Variants in RTCB observed in about 807,000 individuals in gnomAD.
RTCB encodes the protein RNA-splicing ligase RTCB.
In RTCB, 32 loss-of-function variants were observed where a neutral mutation model predicts 58.2. That is an observed-to-expected ratio of 0.55 (90% confidence interval 0.41 to 0.74). The LOEUF (loss-of-function observed/expected upper bound fraction) is 0.74, where lower values mean the gene tolerates loss of function less well. Ranked by LOEUF, RTCB falls within the 30% of genes least tolerant of loss-of-function variation. RTCB has a pLI of 0.00. For missense variants in RTCB, 523 were observed against 639.0 expected (o/e 0.82, Z 1.96); for synonymous variants, 247 against 218.6 (o/e 1.13, Z -1.15).
intron 11 of RTCB, among the ~76,000 whole-genome samples, chr22:32,388,528 T>C (rs1387673325): frequency 6.6e-6 from 1 of 152,220 alleles, no homozygotes; most frequent in East Asian, 1.9e-4. Context: ...AATGAACATG[T>C]AGTACCTTCA....
intron 10 of RTCB, among the ~76,000 whole-genome samples, chr22:32,393,116 G>A (rs1461462144): frequency 6.6e-6 from 1 of 152,112 alleles, no homozygotes; most frequent in African/African-American, 2.4e-5. Context: ...AAAAGTTTTT[G>A]TGGAGACGGT....
In RTCB at chr22:32,399,743, A is replaced by G. The variant is rs774237371; in HGVS notation, c.514T>C (p.Leu172=). ...PMNAKDLEEA[L]EMGVDWSLRE... is the part of the protein sequence containing the mutation. The stretch of plus-strand genomic sequence containing the variant: ...AAGGACCAGTCCACCCCCATCTCCA[A>G]GGCCTCCTCCAAGTCTCTGGATAAG... The change falls in exon 6 of 12, where the codon TTG becomes CTG. Residue 172 remains leucine (L), a synonymous_variant. Transcript: ENST00000216038. 6.2e-7 allele frequency: 1 copy of G among 1,613,574 alleles called. No individual in the cohort carries two copies. The highest frequency in any genetic ancestry group is 1.1e-5 in the South Asian group (1 of 91,000).
chr22:32,399,829 C>T (rs1933306226), intron 5 of RTCB, 70 bp from the exon 6 acceptor site: 2 of 1,406,290 alleles, frequency 1.4e-6, no homozygotes, highest in Admixed American at 4.2e-5. Context: ...TGACCACATC[C>T]TTAAAGGGCA....
rs369864782 is a variant in RTCB at position 32,401,493 on chromosome 22, G to A, written c.497+254C>T. 4.0e-4 allele frequency: 152 copies of A among 380,478 alleles called. 3 individuals are homozygous for A. In the South Asian group the frequency reaches 9.2e-3, roughly 23 times the overall value. 23.6% of individuals were successfully genotyped at this position (380,478 alleles called of 1,614,324 possible). On this transcript the variant is annotated intron_variant, in intron 5 of 11. Coordinates refer to ENST00000216038, the MANE Select transcript of RTCB (RefSeq NM_014306.5). ...TATGATGCTCAGCACCTTACACATA[G>A]AAAGTGCTCAATAAACGTTGGTGGA... is the stretch of plus-strand genomic sequence containing the variant.
At chr22:32,408,077 G>C in intron 3 of RTCB, 98 bp downstream of exon 3, 1 of 1,117,856 alleles carries the variant, frequency 8.9e-7, no homozygotes, top group Non-Finnish European at 1.3e-6. Flanking sequence ...GCTGTCCAAA[G>C]GTCATTGTCT....
At chr22:32,403,570 A>C (rs1162008660) in intron 4 of RTCB, among the ~76,000 whole-genome samples, 2 of 152,134 alleles carry the variant, frequency 1.3e-5, no homozygotes, top group African/African-American at 2.4e-5. Flanking sequence ...TTTCTTAGAA[A>C]ATGTCAAGTA....
rs1468435005 is a variant in RTCB at position 32,387,764 on chromosome 22, A to G, written c.*228T>C. 2 of 476,950 alleles carry G rather than the reference A, an allele frequency of 4.2e-6. No individual in the cohort carries two copies. The highest frequency in any genetic ancestry group is 7.6e-6 in the Non-Finnish European group (2 of 263,028). 29.5% of individuals were successfully genotyped at this position (476,950 alleles called of 1,614,324 possible). On this transcript the variant is annotated 3_prime_UTR_variant, in exon 12 of 12. Coordinates refer to ENST00000216038, the MANE Select transcript of RTCB (RefSeq NM_014306.5). The stretch of plus-strand genomic sequence containing the variant: ...TCTGTGGAACAACCAAGGAGAAGGC[A>G]TATTCCTCCCTTTCCAAAGGTGGGC...
At chr22:32,403,114 CTG>C (rs1192201630) in intron 4 of RTCB, among the ~76,000 whole-genome samples, 1 of 152,002 alleles carries the variant, frequency 6.6e-6, no homozygotes, top group Non-Finnish European at 1.5e-5. Context: ...CAAATAAAAA[CTG>C]TATATATTGG....
intron 3 of RTCB, 100 bp downstream of exon 3, chr22:32,408,075 A>C (rs567012985): frequency 9.1e-7 from 1 of 1,103,768 alleles, no homozygotes; most frequent in Non-Finnish European, 1.3e-6. Context: ...TGGCTGTCCA[A>C]AGGTCATTGT....
At chr22:32,389,180 T>C (rs1399437877) in intron 11 of RTCB, among the ~76,000 whole-genome samples, 1 of 152,200 alleles carries the variant, frequency 6.6e-6, no homozygotes, top group Non-Finnish European at 1.5e-5. Context: ...CCAGTACTAC[T>C]TGGCGATTTC....
intron 8 of RTCB, 109 bp from the exon 9 acceptor site, chr22:32,395,323 G>T (rs1933227862): frequency 5.6e-6 from 5 of 900,394 alleles, no homozygotes; most frequent in Non-Finnish European, 5.0e-6. Flanking sequence ...GGGAGTAAAA[G>T]ATTTAAAAGT....
chr22:32,404,309 A>G (rs1248934823), intron 4 of RTCB, among the ~76,000 whole-genome samples: 1 of 152,178 alleles, frequency 6.6e-6, no homozygotes, highest in Non-Finnish European at 1.5e-5. Context: ...ACTTAACTCA[A>G]TGTCAATTTT....
intron 11 of RTCB, among the ~76,000 whole-genome samples, chr22:32,391,911 T>C (rs375812732): frequency 1.3e-5 from 2 of 152,228 alleles, no homozygotes; most frequent in South Asian, 2.1e-4. Context: ...TTTTTCAAAT[T>C]TGCTTTCAAA....
chr22:32,391,997 G>C (rs1455716748), intron 11 of RTCB, among the ~76,000 whole-genome samples: 1 of 152,134 alleles, frequency 6.6e-6, no homozygotes, highest in African/African-American at 2.4e-5. Context: ...TATGTAGATG[G>C]AGACTATAAA....
intron 3 of RTCB, chr22:32,407,766 ATTTTTT>A (rs1216179111): frequency 6.4e-6 from 1 of 157,210 alleles, no homozygotes; most frequent in East Asian, 1.8e-4. Context: ...ATTTCCTTTT[ATTTTTT>A]ATTTTTAGGG....
chr22:32,406,331 C>G (rs1273066017), intron 4 of RTCB, among the ~76,000 whole-genome samples: 7 of 151,946 alleles, frequency 4.6e-5, no homozygotes, highest in Non-Finnish European at 8.8e-5. Context: ...AAGCTACACA[C>G]ATTTTTTTTT....
intron 10 of RTCB, among the ~76,000 whole-genome samples, chr22:32,393,631 A>G (rs1207450717): frequency 2.0e-5 from 3 of 152,180 alleles, no homozygotes; most frequent in Non-Finnish European, 4.4e-5. Flanking sequence ...TAGTGTGACA[A>G]TTTCCCAGTC....
At chr22:32,399,351 C>T (rs1933296668) in intron 6 of RTCB, among the ~76,000 whole-genome samples, 1 of 151,574 alleles carries the variant, frequency 6.6e-6, no homozygotes, top group Admixed American at 6.6e-5. Context: ...CTTATGTTGC[C>T]CAGGCTGGTC....
At chr22:32,403,748 TA>T (rs1933376820) in intron 4 of RTCB, among the ~76,000 whole-genome samples, 1 of 152,180 alleles carries the variant, frequency 6.6e-6, no homozygotes, top group Admixed American at 6.5e-5. Flanking sequence ...TTTTTGCCAT[TA>T]AAAGTAATAC....
Sources: allele counts gnomAD v4.1 joint callset (sites outside exome capture counted in the v4.1 genomes callset), GRCh38; gene constraint gnomAD v4.1.1; transcripts MANE v1.5; gene names NCBI Gene and HGNC (gene_info 2026-07-23, HGNC 2026-07-21).